The following UNC13B variants were observed in gnomAD, a reference collection of about 807,000 sequenced individuals.
The protein encoded by UNC13B is protein unc-13 homolog B.
A neutral mutation model predicts 211.0 loss-of-function variants in UNC13B; 144 were observed. That is an observed-to-expected ratio of 0.68 (90% confidence interval 0.60 to 0.78). The LOEUF is 0.78. Among genes scored for constraint, UNC13B ranks in the 30% least tolerant of loss-of-function variants. The pLI is 0.00. For synonymous variants in UNC13B, 709 were observed against 725.8 expected, an observed-to-expected ratio of 0.98 and a Z score of 0.37; for missense variants, 1,777 against 2,002.0, an observed-to-expected ratio of 0.89 and a Z score of 2.14.
intron 6 of UNC13B, among the ~76,000 whole-genome samples, chr9:35,257,829 A>G (rs1007425694): frequency 6.6e-6 from 1 of 152,118 alleles, no homozygotes; most frequent in South Asian, 2.1e-4. Context: ...ACTGATACTC[A>G]TAAGAGTGTT....
Position 35,376,026 on chromosome 9 carries a change from A to G in UNC13B, c.9616-2A>G. On this transcript the variant is annotated splice_acceptor_variant, in intron 14 of 39. Transcript: ENST00000635942. LOFTEE classifies it high-confidence loss of function. ...TCATGGGATGGGGTATGTGTCTTTC[A>G]GAAATCCCACGTGTATAAGAAAACC... 6.2e-7 allele frequency: 1 copy of G among 1,614,158 alleles called. No individual in the cohort carries two copies. Among genetic ancestry groups the G allele is most frequent in the Non-Finnish European group, 8.5e-7 (1 of 1,180,010 alleles).
intron 1 of UNC13B, among the ~76,000 whole-genome samples, chr9:35,175,486 C>T (rs1821572770): frequency 1.3e-5 from 2 of 152,174 alleles, no homozygotes; most frequent in South Asian, 4.2e-4. Context: ...GGTCTGTAGC[C>T]TAGAGTACAG....
rs778660508 is a variant in UNC13B, at chr9:35,403,445, G to T, written c.12583G>T (p.Ala4195Ser). ...GEHKVTVKVV[A>S]ANDLKWQTAG... is the part of the protein sequence containing the mutation. ...GGTTTCCCTTGTTTGGGCAGTGGTG[G>T]CTGCCAATGACCTCAAGTGGCAGAC... Residue 4195 changes from alanine to serine, a missense_variant, in exon 39 of 40, where the codon GCT becomes TCT. Coordinates refer to ENST00000635942, the MANE Select transcript of UNC13B (RefSeq NM_001371189.2). 6.2e-7 allele frequency: 1 copy of T among 1,613,508 alleles called. No homozygotes were observed. Among genetic ancestry groups the T allele is most frequent in the Admixed American group, 1.7e-5 (1 of 60,016 alleles).
chr9:35,172,979 A>G (rs1218752701), intron 1 of UNC13B, among the ~76,000 whole-genome samples: 1 of 152,188 alleles, frequency 6.6e-6, no homozygotes, highest in East Asian at 1.9e-4. Context: ...GTGCTTCTTT[A>G]GAGCTGTAGA....
intron 1 of UNC13B, among the ~76,000 whole-genome samples, chr9:35,203,718 C>T (rs540005876): frequency 3.8e-4 from 58 of 152,202 alleles, no homozygotes; most frequent in Admixed American, 5.2e-4. Context: ...TAACAGCCTG[C>T]ATTCATATGC....
intron 1 of UNC13B, among the ~76,000 whole-genome samples, chr9:35,204,346 C>T (rs565571356): frequency 6.6e-6 from 1 of 152,306 alleles, no homozygotes; most frequent in African/African-American, 2.4e-5. Context: ...TGGGAGCCCC[C>T]CCACAGAGTC....
rs114234108 is a variant in UNC13B at position 35,324,800 on chromosome 9, A to G, written c.9414+10811A>G. Among the ~76,000 whole-genome samples the G allele has an allele frequency of 2.0e-3, 301 of 152,256 alleles. 1 individual carries two copies. In the Middle Eastern group the frequency reaches 0.034, roughly 17 times the overall value. On this transcript the variant is annotated intron_variant, in intron 11 of 39. Coordinates refer to ENST00000635942, the MANE Select transcript of UNC13B (RefSeq NM_001371189.2). ...CTCAATGCTCTTTTCATATAAATCT[A>G]TACATTTTTCTTTTGAAATATCATT...
intron 17 of UNC13B, among the ~76,000 whole-genome samples, chr9:35,379,881 A>T (rs1834704119): frequency 6.6e-6 from 1 of 152,212 alleles, no homozygotes. Flanking sequence ...CAACTGTTGG[A>T]GAGGAGAGCT....
In UNC13B at chr9:35,307,353, C is replaced by T. The variant is rs1185588664; in HGVS notation, c.7949C>T (p.Ala2650Val). The change falls in exon 9 of 40, where the codon GCG becomes GTG. Residue 2650 changes from alanine to valine, a missense_variant. Physicochemically the swap from Ala to Val is moderately conservative, Grantham distance 64 (BLOSUM62 0). Coordinates refer to ENST00000635942, the MANE Select transcript of UNC13B (RefSeq NM_001371189.2). Reference sequence around the variant, plus strand: ...GCATCGTTAGAAGCAGAGAACTTTGCGCTGCCAGCACAGTTGCATCCAGAT... The same window carrying T: ...GCATCGTTAGAAGCAGAGAACTTTGTGCTGCCAGCACAGTTGCATCCAGAT... ...TEASLEAENF[A>V]LPAQLHPDPT... 2.5e-5 allele frequency: 10 copies of T among 398,986 alleles called. No homozygotes were observed. The highest frequency in any genetic ancestry group is 2.2e-4 in the Admixed American group (5 of 22,712). 24.7% of individuals were successfully genotyped at this position (398,986 alleles called of 1,614,324 possible). A position where few individuals can be genotyped will look rare whatever the true frequency, so the allele number is the denominator to read the frequency against.
intron 2 of UNC13B, among the ~76,000 whole-genome samples, chr9:35,229,122 A>T (rs1442216306): frequency 6.6e-6 from 1 of 152,138 alleles, no homozygotes; most frequent in African/African-American, 2.4e-5. Context: ...GTCCATCTGA[A>T]GATTAAAAAT....
Position 35,303,436 on chromosome 9 carries a change from T to C in UNC13B, c.4032T>C (p.Tyr1344=). 1 of 398,788 alleles carries C rather than the reference T, an allele frequency of 2.5e-6. No individual in the cohort carries two copies. Among genetic ancestry groups the C allele is most frequent in the Non-Finnish European group, 4.4e-6 (1 of 225,852 alleles). The allele number at this position is 398,788 out of a possible 1,614,324, so 24.7% of individuals were successfully genotyped here. A position where few individuals can be genotyped will look rare whatever the true frequency, so the allele number is the denominator to read the frequency against. The change falls in exon 9 of 40, where the codon TAT becomes TAC. Residue 1344 remains tyrosine (Y), a synonymous_variant. Transcript: ENST00000635942. ...ACATTCTCAATAAATCAAACAACTA[T>C]CAGGCTTTTGAAGAGATGAACAGTC... ...NTNILNKSNN[Y]QAFEEMNSPF...
At chr9:35,325,894 G>C (rs1342672667) in intron 11 of UNC13B, among the ~76,000 whole-genome samples, 4 of 152,188 alleles carry the variant, frequency 2.6e-5, no homozygotes, top group Non-Finnish European at 5.9e-5. Flanking sequence ...TTGTAGCATG[G>C]ATCGTTACTT....
chr9:35,398,111 G>A (rs1212890722), intron 30 of UNC13B, 100 bp from the exon 31 acceptor site: 10 of 1,050,036 alleles, frequency 9.5e-6, no homozygotes, highest in Non-Finnish European at 1.4e-5. Flanking sequence ...TATGTCATAT[G>A]TGAAGTCCCT....
chr9:35,254,390 T>C (rs893579972), intron 6 of UNC13B, among the ~76,000 whole-genome samples: 1 of 152,146 alleles, frequency 6.6e-6, no homozygotes, highest in Non-Finnish European at 1.5e-5. Context: ...TGTGTTCTCA[T>C]GTGATGGAAG....
intron 37 of UNC13B, chr9:35,401,881 G>A: frequency 6.9e-7 from 1 of 1,450,090 alleles, no homozygotes; most frequent in Non-Finnish European, 9.5e-7. Flanking sequence ...TAACTCCTTA[G>A]ACTGCTAACG....
chr9:35,225,280 C>T (rs1039374058), intron 1 of UNC13B, among the ~76,000 whole-genome samples: 3 of 152,100 alleles, frequency 2.0e-5, no homozygotes, highest in Admixed American at 6.5e-5. Flanking sequence ...CCCACCCCAG[C>T]CCCCCGAGTA....
Position 35,303,757 on chromosome 9 carries a change from A to G in UNC13B, c.4353A>G (p.Ser1451=). The change falls in exon 9 of 40, where the codon TCA becomes TCG. Residue 1451 remains serine (S), a synonymous_variant. Coordinates refer to ENST00000635942, the MANE Select transcript of UNC13B (RefSeq NM_001371189.2). ...GAGGTGATGTGTGGGCAGCTAACTC[A>G]TTATATGGAAACTCTGGTCCTCTTC... ...LLRGDVWAAN[S]LYGNSGPLPI... The G allele has an allele frequency of 2.5e-6, 1 of 398,772 alleles. No homozygotes were observed. Among genetic ancestry groups the G allele is most frequent in the East Asian group, 3.6e-5 (1 of 28,058 alleles). The allele number at this position is 398,772 out of a possible 1,614,324, so 24.7% of individuals were successfully genotyped here.
At chr9:35,268,026 T>C (rs780776316) in intron 7 of UNC13B, among the ~76,000 whole-genome samples, 26 of 152,112 alleles carry the variant, frequency 1.7e-4, no homozygotes, top group Admixed American at 6.5e-4. Context: ...CCTCCTCTGT[T>C]CTTTTTGGCT....
At chr9:35,241,056 C>CA (rs10629111) in intron 5 of UNC13B, among the ~76,000 whole-genome samples, 1,670 of 133,136 alleles carry the variant, frequency 0.013, 61 homozygotes, top group African/African-American at 0.033. Context: ...GACTCTGTCT[C>CA]AAAAAAAAAA....
Sources: gnomAD v4.1 joint callset for allele counts (sites outside exome capture counted in the v4.1 genomes callset) on GRCh38, gnomAD v4.1.1 for gene constraint, MANE v1.5 for transcripts, NCBI Gene and HGNC (gene_info 2026-07-23, HGNC 2026-07-21) for gene names.